CDCA7L: variants seen among roughly 807,000 people sequenced by gnomAD.
The protein encoded by CDCA7L is cell division cycle associated 7 like.
In CDCA7L, 44 loss-of-function variants were observed where a neutral mutation model predicts 57.4. The ratio of observed to expected loss-of-function variants is 0.77; its 90% CI spans 0.60 to 0.98. The LOEUF (loss-of-function observed/expected upper bound fraction) is 0.98, where lower values mean the gene tolerates loss of function less well. Ranked by LOEUF, CDCA7L falls within the 50% of genes least tolerant of loss-of-function variation. The pLI is 0.00. For synonymous variants in CDCA7L, 236 were observed against 202.8 expected, an observed-to-expected ratio of 1.16 and a Z score of -1.39; for missense variants, 644 against 580.6, an observed-to-expected ratio of 1.11 and a Z score of -1.12.
At chr7:21,915,200 A>G (rs773735640) in intron 2 of CDCA7L, among the ~76,000 whole-genome samples, 3 of 152,132 alleles carry the variant, frequency 2.0e-5, no homozygotes, top group African/African-American at 4.8e-5. Flanking sequence ...ACGGGAGTCA[A>G]GGAGATGGAA....
intron 8 of CDCA7L, 43 bp downstream of exon 8, chr7:21,904,067 C>A: frequency 6.6e-7 from 1 of 1,510,576 alleles, no homozygotes; most frequent in South Asian, 1.4e-5. Context: ...AGCTTGCTTC[C>A]TTCACCAATA....
In CDCA7L at chr7:21,901,143, G is replaced by A; in HGVS notation, c.*1179C>T. The A allele has an allele frequency of 1.2e-6, 2 of 1,613,948 alleles. No homozygotes were observed. The highest frequency in any genetic ancestry group is 1.1e-5 in the South Asian group (1 of 91,078). ...CCAAACAGACCTACGAGTGCCCTGT[G>A]TATAGAACCAAACTGAGAGGCCCCA... On this transcript the variant is annotated 3_prime_UTR_variant, in exon 10 of 10. Transcript: ENST00000406877.
At chr7:21,902,579 T>G (rs1170168379) in intron 9 of CDCA7L, 5 of 581,524 alleles carry the variant, frequency 8.6e-6, no homozygotes, top group Non-Finnish European at 1.2e-5. Context: ...TCAGAGTTTA[T>G]TAATTACATA....
intron 3 of CDCA7L, among the ~76,000 whole-genome samples, 178 bp from the exon 4 acceptor site, chr7:21,908,685 T>C (rs1785218021): frequency 6.6e-6 from 1 of 152,186 alleles, no homozygotes; most frequent in Non-Finnish European, 1.5e-5. Context: ...GGTTGATGAA[T>C]AAAATCAGAG....
intron 3 of CDCA7L, among the ~76,000 whole-genome samples, chr7:21,910,044 T>C (rs768391607): frequency 2.0e-5 from 3 of 152,216 alleles, no homozygotes; most frequent in Non-Finnish European, 4.4e-5. Flanking sequence ...GGGCCTGTGC[T>C]GAACTGTAAG....
At position 21,943,792 on chromosome 7, in the gene CDCA7L, T is replaced by G. The variant is rs1786420719; in HGVS notation, c.24+1989A>C. On this transcript the variant is annotated intron_variant, in intron 1 of 9. Transcript: ENST00000406877. The stretch of plus-strand genomic sequence containing the variant: ...TTTGCCTTAATTGGTGCATAATGGA[T>G]CGGATATAATTTGTGGGTAACCCCT... 4.0e-5 allele frequency among the ~76,000 whole-genome samples: 6 copies of G among 151,796 alleles called. No homozygotes were observed. In the South Asian group the frequency reaches 1.2e-3, roughly 32 times the overall value.
chr7:21,923,282 G>A (rs1433318467), intron 1 of CDCA7L, among the ~76,000 whole-genome samples: 1 of 152,014 alleles, frequency 6.6e-6, no homozygotes, highest in Non-Finnish European at 1.5e-5. Context: ...TGACCCCAGG[G>A]GTTTGAGACC....
intron 2 of CDCA7L, 133 bp downstream of exon 2, chr7:21,916,615 CAGACAT>C: frequency 1.3e-6 from 1 of 746,824 alleles, no homozygotes; most frequent in East Asian, 2.7e-5. Context: ...CAGGAAGACA[CAGACAT>C]AATGTTTCTA....
chr7:21,941,311 A>G (rs906919273), intron 1 of CDCA7L, among the ~76,000 whole-genome samples: 2 of 152,236 alleles, frequency 1.3e-5, no homozygotes, highest in Non-Finnish European at 2.9e-5. Flanking sequence ...GCTACTAGGA[A>G]AAGTAATGCT....
At chr7:21,941,714 G>C (rs1017232078) in intron 1 of CDCA7L, among the ~76,000 whole-genome samples, 11 of 152,298 alleles carry the variant, frequency 7.2e-5, no homozygotes, top group African/African-American at 2.6e-4. Flanking sequence ...CCAGCAGCAA[G>C]GGCCAATTCC....
At chr7:21,938,310 T>C (rs1697874628) in intron 1 of CDCA7L, among the ~76,000 whole-genome samples, 2 of 152,002 alleles carry the variant, frequency 1.3e-5, no homozygotes, top group South Asian at 4.2e-4. Context: ...TTAACATCAC[T>C]AATCATTGGG....
Position 21,911,751 on chromosome 7 carries a change from C to A in CDCA7L, c.169G>T (p.Asp57Tyr), listed in dbSNP as rs779644053. 3 of 1,611,296 alleles carry A rather than the reference C, an allele frequency of 1.9e-6. No homozygotes were observed. Among genetic ancestry groups the A allele is most frequent in the Admixed American group, 3.4e-5 (2 of 59,398 alleles). Reference sequence around the variant, plus strand: ...AAGTATTTGGAATGAAAGCGCACATCCTGCTAAATTAAAGACACACATACA... The same window carrying A: ...AAGTATTTGGAATGAAAGCGCACATACTGCTAAATTAAAGACACACATACA... ...FDSLESGKQQDVRFHSKYFTE... is the reference protein window; with the variant it reads ...FDSLESGKQQYVRFHSKYFTE... Residue 57 changes from aspartate (D) to tyrosine (Y), a missense_variant, in exon 3 of 10, where the codon GAT becomes TAT. Asp to Tyr is a radical substitution (Grantham distance 160). Transcript: ENST00000406877.
chr7:21,903,702 A>C (rs1785026338), intron 8 of CDCA7L: 1 of 167,026 alleles, frequency 6.0e-6, no homozygotes, highest in African/African-American at 2.4e-5. Flanking sequence ...TTATGGTAAC[A>C]GAGTGAGCGA....
At chr7:21,942,876 G>C (rs552229937) in intron 1 of CDCA7L, among the ~76,000 whole-genome samples, 1 of 152,174 alleles carries the variant, frequency 6.6e-6, no homozygotes, top group African/African-American at 2.4e-5. Context: ...TTAAACAACA[G>C]GATCAGATGG....
At chr7:21,929,136 G>A (rs1483625859) in intron 1 of CDCA7L, among the ~76,000 whole-genome samples, 1 of 152,004 alleles carries the variant, frequency 6.6e-6, no homozygotes, top group East Asian at 1.9e-4. Context: ...GCCAGAAGAG[G>A]GTGGGGTCAA....
intron 1 of CDCA7L, among the ~76,000 whole-genome samples, chr7:21,932,991 C>T (rs143165850): frequency 0.012 from 1,848 of 151,042 alleles, 34 homozygotes; most frequent in African/African-American, 0.042. Context: ...AAAAAGTGGG[C>T]GAAAGATATG....
chr7:21,901,103 T>C lies in CDCA7L; in HGVS notation c.*1219A>G. ...GTCATCTTTGCAAAAGCCACCCCCGTGGACAGACAAGAAACCAAACAGACC... is the reference window on the plus strand; with the variant it reads ...GTCATCTTTGCAAAAGCCACCCCCGCGGACAGACAAGAAACCAAACAGACC... On this transcript the variant is annotated 3_prime_UTR_variant, in exon 10 of 10. Coordinates refer to ENST00000406877, the MANE Select transcript of CDCA7L (RefSeq NM_018719.5). 1 of 1,613,540 alleles carries C rather than the reference T, an allele frequency of 6.2e-7. No homozygotes were observed. Among genetic ancestry groups the C allele is most frequent in the Non-Finnish European group, 8.5e-7 (1 of 1,179,582 alleles).
chr7:21,943,375 C>T (rs574547493), intron 1 of CDCA7L, among the ~76,000 whole-genome samples: 6 of 152,224 alleles, frequency 3.9e-5, no homozygotes, highest in East Asian at 1.9e-4. Context: ...CTTAGCTCTG[C>T]GCTTTCCAAG....
intron 6 of CDCA7L, chr7:21,905,855 T>A (rs1345865637): frequency 2.1e-5 from 11 of 527,890 alleles, no homozygotes; most frequent in Non-Finnish European, 2.9e-5. Flanking sequence ...AGGTTTTTGG[T>A]TCTTTGCTGT....
Sources: allele counts gnomAD v4.1 joint callset (sites outside exome capture counted in the v4.1 genomes callset), GRCh38; gene constraint gnomAD v4.1.1; transcripts MANE v1.5; gene names NCBI Gene and HGNC (gene_info 2026-07-23, HGNC 2026-07-21).